The following PRDM16 variants were observed in gnomAD, a reference collection of about 807,000 sequenced individuals.
PRDM16 encodes the protein histone-lysine N-methyltransferase PRDM16.
Under a neutral mutation model 110.6 loss-of-function variants are expected in PRDM16, and 23 were observed. That is an observed-to-expected ratio of 0.21 (90% CI 0.15 to 0.29). The LOEUF is 0.29. PRDM16 is among the 10% of genes least tolerant of loss of function. PRDM16 has a pLI of 1.00. For synonymous variants in PRDM16, 799 were observed against 781.8 expected, an observed-to-expected ratio of 1.02 and a Z score of -0.37; for missense variants, 1,615 against 1,794.3, an observed-to-expected ratio of 0.90 and a Z score of 1.81.
chr1:3,277,777 G>GCACACACGCA (rs1557576457), intron 3 of PRDM16, among the ~76,000 whole-genome samples: 1 of 97,012 alleles, frequency 1.0e-5, no homozygotes, highest in African/African-American at 9.3e-5. Flanking sequence ...GCACACACAC[G>GCACACACGCA]CACACATATG....
chr1:3,095,154 C>T (rs1642367875), intron 1 of PRDM16, among the ~76,000 whole-genome samples: 1 of 152,206 alleles, frequency 6.6e-6, no homozygotes, highest in Admixed American at 6.5e-5. Context: ...GGCCCCTCTC[C>T]AGCTCAGTGC....
intron 3 of PRDM16, among the ~76,000 whole-genome samples, chr1:3,267,064 G>T (rs1274598316): frequency 2.0e-5 from 3 of 152,126 alleles, no homozygotes; most frequent in Non-Finnish European, 4.4e-5. Flanking sequence ...TTCTAAAATG[G>T]ACAGTCAGCA....
At position 3,356,361 on chromosome 1, in the gene PRDM16, C is replaced by T. The variant is rs766546758; in HGVS notation, c.439-28791C>T. Among the ~76,000 whole-genome samples the T allele has an allele frequency of 5.9e-5, 9 of 152,216 alleles. No homozygotes were observed. In the East Asian group the frequency reaches 7.7e-4, roughly 13 times the overall value. Reference sequence around the variant, plus strand: ...CTGATGCATGACCGTCTGCTCAGGACGTGCGGCTGCCGTCTCATCAGGCGG... The same window carrying T: ...CTGATGCATGACCGTCTGCTCAGGATGTGCGGCTGCCGTCTCATCAGGCGG... On this transcript the variant is annotated intron_variant, in intron 3 of 16. Transcript: ENST00000270722.
intron 2 of PRDM16, among the ~76,000 whole-genome samples, chr1:3,222,906 C>T (rs1027530998): frequency 2.0e-5 from 3 of 151,964 alleles, no homozygotes; most frequent in East Asian, 1.9e-4. Context: ...CCCTCAAGGC[C>T]GGGGTGGAGT....
At chr1:3,218,797 A>C (rs1639088553) in intron 2 of PRDM16, among the ~76,000 whole-genome samples, 1 of 152,208 alleles carries the variant, frequency 6.6e-6, no homozygotes. Flanking sequence ...CTCCTCCCCC[A>C]GGTGCACGCT....
Position 3,148,062 on chromosome 1 carries a change from C to T in PRDM16, c.38-38063C>T, listed in dbSNP as rs11487244. 0.05 allele frequency among the ~76,000 whole-genome samples: 7,593 copies of T among 152,122 alleles called. 548 individuals carry two copies. The highest frequency in any genetic ancestry group is 0.24 in the East Asian group (1,253 of 5,164). Reference sequence around the variant, plus strand: ...ACCGAGATGCATTCAGATTCAAGTTCGGCCTTTGGCGTCTTCTCTCGGGGG... The same window carrying T: ...ACCGAGATGCATTCAGATTCAAGTTTGGCCTTTGGCGTCTTCTCTCGGGGG... On this transcript the variant is annotated intron_variant, in intron 1 of 16. Transcript: ENST00000270722. The surrounding 1 kb of genome is among the most constrained non-coding windows in gnomAD (Gnocchi z 5.0).
chr1:3,337,884 G>T (rs1642193560), intron 3 of PRDM16, among the ~76,000 whole-genome samples: 1 of 151,794 alleles, frequency 6.6e-6, no homozygotes, highest in Non-Finnish European at 1.5e-5. Context: ...AGGCCCACAT[G>T]CACGGACACA....
At position 3,180,919 on chromosome 1, in the gene PRDM16, CTT is replaced by C. The variant is rs1245252701; in HGVS notation, c.38-5205_38-5204del. Among the ~76,000 whole-genome samples the C allele has an allele frequency of 9.6e-4, 144 of 149,906 alleles. 1 individual carries two copies. The highest frequency in any genetic ancestry group is 2.4e-3 in the African/African-American group (95 of 39,932). On this transcript the variant is annotated intron_variant, in intron 1 of 16. Transcript: ENST00000270722. ...TCACACACGCAGTCTTACACGCAGC[CTT>C]ACACACGCAGCCACACACGCAGCCT...
Position 3,404,883 on chromosome 1 carries a change from G to T in PRDM16, c.1029G>T (p.Val343=). The T allele has an allele frequency of 6.2e-7, 1 of 1,612,836 alleles. No individual in the cohort carries two copies. The highest frequency in any genetic ancestry group is 1.1e-5 in the South Asian group (1 of 91,032). ...AACGCTTCGAATGTGAAAACTGCGTGAAGGTAACCTGCGGGGCGGCCCCGT... is the reference window on the plus strand; with the variant it reads ...AACGCTTCGAATGTGAAAACTGCGTTAAGGTAACCTGCGGGGCGGCCCCGT... The part of the protein sequence containing the change: ...SGKRFECENC[V]KVFTDPSNLQ... The change falls in exon 7 of 17, where the codon GTG becomes GTT. Residue 343 remains valine (V), a synonymous_variant. Transcript: ENST00000270722.
At chr1:3,406,708 A>G (rs528267479) in intron 8 of PRDM16, among the ~76,000 whole-genome samples, 1 of 152,212 alleles carries the variant, frequency 6.6e-6, no homozygotes, top group East Asian at 1.9e-4. Context: ...ACACCACTGC[A>G]CTCCAGCCTG....
At chr1:3,114,181 ACACGCACACACGCACACG>A (rs1472923191) in intron 1 of PRDM16, among the ~76,000 whole-genome samples, 10 of 127,934 alleles carry the variant, frequency 7.8e-5, no homozygotes, top group Admixed American at 4.0e-4. Context: ...ACACGCACAC[ACACGCACACACGCACACG>A]CACGCACACA....
intron 1 of PRDM16, among the ~76,000 whole-genome samples, chr1:3,108,599 C>T (rs944765172): frequency 1.3e-5 from 2 of 152,188 alleles, no homozygotes; most frequent in Admixed American, 6.5e-5. Context: ...GGGACAGGCA[C>T]CCTGCCAGGT....
chr1:3,321,585 T>C (rs1641749102), intron 3 of PRDM16, among the ~76,000 whole-genome samples: 1 of 148,670 alleles, frequency 6.7e-6, no homozygotes, highest in South Asian at 2.2e-4. Context: ...TGTTTGGAGG[T>C]CACGTTTCTG....
intron 3 of PRDM16, among the ~76,000 whole-genome samples, chr1:3,260,303 C>T (rs915206127): frequency 3.3e-5 from 5 of 152,188 alleles, no homozygotes; most frequent in African/African-American, 9.7e-5. Context: ...TGCTAAGCCT[C>T]TTCTGAGCTG....
In PRDM16 at chr1:3,347,106, G is replaced by A. The variant is rs149664908; in HGVS notation, c.439-38046G>A. ...GGAAACCCAGGTGCCCAGTCTTTCC[G>A]GGGAGGGTGGAGGGGGTCAGTGTAC... is the stretch of plus-strand genomic sequence containing the variant. On this transcript the variant is annotated intron_variant, in intron 3 of 16. Transcript: ENST00000270722. Among the ~76,000 whole-genome samples, 756 of 152,316 alleles carry A rather than the reference G, an allele frequency of 5.0e-3. 6 individuals are homozygous for A. Among genetic ancestry groups the A allele is most frequent in the Middle Eastern group, 0.01 (3 of 294 alleles).
intron 1 of PRDM16, among the ~76,000 whole-genome samples, chr1:3,130,114 AG>A (rs1455773389): frequency 6.6e-6 from 1 of 152,096 alleles, no homozygotes; most frequent in African/African-American, 2.4e-5. Flanking sequence ...CTGCGTGCTC[AG>A]TGTCCAGGGT....
At chr1:3,405,342 C>T (rs1008635854) in intron 7 of PRDM16, among the ~76,000 whole-genome samples, 153 bp from the exon 8 acceptor site, 3 of 152,232 alleles carry the variant, frequency 2.0e-5, no homozygotes, top group African/African-American at 7.2e-5. Flanking sequence ...CCTTGCTACA[C>T]AGAGACCTGT....
intron 1 of PRDM16, among the ~76,000 whole-genome samples, chr1:3,104,784 C>T (rs901175811): frequency 1.4e-4 from 22 of 152,320 alleles, no homozygotes; most frequent in African/African-American, 4.6e-4. Context: ...GTGGCCACCC[C>T]GCCCACAGAC....
intron 3 of PRDM16, among the ~76,000 whole-genome samples, chr1:3,355,348 G>A (rs368788916): frequency 2.6e-5 from 4 of 152,220 alleles, no homozygotes; most frequent in South Asian, 4.1e-4. Context: ...CTGACCTCAC[G>A]AATTAATTGC....
Sources: allele counts gnomAD v4.1 joint callset (sites outside exome capture counted in the v4.1 genomes callset), GRCh38; gene constraint gnomAD v4.1.1; non-coding constraint Gnocchi (gnomAD v3.1); transcripts MANE v1.5; gene names NCBI Gene and HGNC (gene_info 2026-07-23, HGNC 2026-07-21).